SCHIP1: variants seen among roughly 807,000 people sequenced by gnomAD.
The protein encoded by SCHIP1 is schwannomin interacting protein 1.
Under a neutral mutation model 29.7 loss-of-function variants are expected in SCHIP1, and 8 were observed. The observed-to-expected ratio is 0.27, with a 90% CI of 0.16 to 0.49. SCHIP1 has a LOEUF of 0.49. Among genes scored for constraint, SCHIP1 ranks in the 20% least tolerant of loss-of-function variants. The pLI, the probability that SCHIP1 is intolerant of heterozygous loss-of-function variation, is 0.99. For synonymous variants in SCHIP1, 76 were observed against 94.9 expected (o/e 0.80, Z 1.16); for missense variants, 193 against 294.6 (o/e 0.66, Z 2.52).
intron 4 of SCHIP1, 77 bp from the exon 6 acceptor site, chr3:159,888,743 A>G: frequency 6.4e-7 from 1 of 1,559,834 alleles, no homozygotes; most frequent in Non-Finnish European, 8.7e-7. Context: ...GGGTCTTTTA[A>G]GAGAAAACTG....
the SCHIP1 span, among the ~76,000 whole-genome samples, chr3:159,596,077 A>T: frequency 6.6e-6 from 1 of 152,244 alleles, no homozygotes; most frequent in African/African-American, 2.4e-5. Context: ...AATATCCAGA[A>T]TCTACAAAGA....
At chr3:159,366,570 A>G in the SCHIP1 span, among the ~76,000 whole-genome samples, 4 of 152,350 alleles carry the variant, frequency 2.6e-5, no homozygotes, top group Non-Finnish European at 4.4e-5. Flanking sequence ...ATGGTGGCAT[A>G]GAGTAAGCAT....
At chr3:159,408,869 A>G in the SCHIP1 span, among the ~76,000 whole-genome samples, 2 of 152,156 alleles carry the variant, frequency 1.3e-5, no homozygotes, top group Non-Finnish European at 2.9e-5. Flanking sequence ...CCTGATAAAC[A>G]TTGATGGAAA....
chr3:159,720,082 C>T, the SCHIP1 span, among the ~76,000 whole-genome samples: 1 of 152,142 alleles, frequency 6.6e-6, no homozygotes, highest in Non-Finnish European at 1.5e-5. Flanking sequence ...TTTGTAGGGA[C>T]ATTGACGAAG....
chr3:159,519,654 TC>T, the SCHIP1 span, among the ~76,000 whole-genome samples: 1 of 152,134 alleles, frequency 6.6e-6, no homozygotes, highest in Non-Finnish European at 1.5e-5. Context: ...CATTAATGGC[TC>T]CCCTTTTCTT....
At chr3:159,283,212 G>C in the SCHIP1 span, among the ~76,000 whole-genome samples, 5 of 152,130 alleles carry the variant, frequency 3.3e-5, no homozygotes, top group Admixed American at 6.5e-5. Context: ...GAATGCAGTG[G>C]TATGATCTCA....
chr3:159,792,829 G>T, the SCHIP1 span, among the ~76,000 whole-genome samples: 1 of 152,182 alleles, frequency 6.6e-6, no homozygotes, highest in Non-Finnish European at 1.5e-5. Flanking sequence ...TTGGGGTTGG[G>T]TGTAGAGATG....
At chr3:159,277,809 A>G in the SCHIP1 span, among the ~76,000 whole-genome samples, 1 of 151,980 alleles carries the variant, frequency 6.6e-6, no homozygotes, top group Admixed American at 6.6e-5. Context: ...AATCCCAGCT[A>G]CAGACTGAAG....
At chr3:159,568,621 T>C in the SCHIP1 span, among the ~76,000 whole-genome samples, 1 of 152,134 alleles carries the variant, frequency 6.6e-6, no homozygotes, top group Admixed American at 6.6e-5. Flanking sequence ...CTTAATACTT[T>C]GCAACAATTT....
chr3:159,756,646 G>A, the SCHIP1 span, among the ~76,000 whole-genome samples: 1 of 152,164 alleles, frequency 6.6e-6, no homozygotes, highest in African/African-American at 2.4e-5. Flanking sequence ...CTCAGAAAAT[G>A]GGTTTTTCCT....
At chr3:159,895,204 C>T (rs965086014) in intron 6 of SCHIP1, among the ~76,000 whole-genome samples, 1 of 152,136 alleles carries the variant, frequency 6.6e-6, no homozygotes, top group Non-Finnish European at 1.5e-5. Context: ...GGAGAGCTAT[C>T]GATAAGGTAC....
the SCHIP1 span, among the ~76,000 whole-genome samples, chr3:159,744,212 A>G: frequency 6.6e-6 from 1 of 152,198 alleles, no homozygotes; most frequent in Non-Finnish European, 1.5e-5. Flanking sequence ...CTACACCTAC[A>G]TGTTTTTATA....
chr3:159,732,572 A>C, the SCHIP1 span, among the ~76,000 whole-genome samples: 1 of 152,220 alleles, frequency 6.6e-6, no homozygotes, highest in East Asian at 1.9e-4. Context: ...GTTACAAGGG[A>C]AATGTGCAGT....
chr3:159,581,174 T>C, the SCHIP1 span, among the ~76,000 whole-genome samples: 3 of 152,166 alleles, frequency 2.0e-5, no homozygotes, highest in Non-Finnish European at 4.4e-5. Flanking sequence ...TTCCTCTCTA[T>C]AAGTGCAACT....
the SCHIP1 span, among the ~76,000 whole-genome samples, chr3:159,392,790 T>C: frequency 6.6e-6 from 1 of 152,146 alleles, no homozygotes; most frequent in Non-Finnish European, 1.5e-5. Flanking sequence ...CATGTGTCTT[T>C]ATAGCAGCAT....
chr3:159,629,967 C>G, the SCHIP1 span, among the ~76,000 whole-genome samples: 1 of 152,140 alleles, frequency 6.6e-6, no homozygotes, highest in Non-Finnish European at 1.5e-5. Flanking sequence ...CTTATCAACT[C>G]TGTTCTAAAA....
the SCHIP1 span, among the ~76,000 whole-genome samples, chr3:159,314,003 C>A: frequency 1.3e-5 from 2 of 152,204 alleles, no homozygotes; most frequent in African/African-American, 2.4e-5. Flanking sequence ...TGATATTACC[C>A]TGACTTATCA....
At chr3:159,640,763 A>G in the SCHIP1 span, among the ~76,000 whole-genome samples, 2 of 152,072 alleles carry the variant, frequency 1.3e-5, no homozygotes, top group Non-Finnish European at 2.9e-5. Flanking sequence ...ATTACCATTG[A>G]CTGGCCAGGA....
the SCHIP1 span, among the ~76,000 whole-genome samples, chr3:159,753,633 T>G: frequency 6.6e-5 from 10 of 152,344 alleles, no homozygotes; most frequent in East Asian, 1.3e-3. Context: ...CTAATTAGTC[T>G]CTGCACCCAG....
Sources: allele counts gnomAD v4.1 joint callset (sites outside exome capture counted in the v4.1 genomes callset), GRCh38; gene constraint gnomAD v4.1.1; transcripts MANE v1.5; gene names NCBI Gene and HGNC (gene_info 2026-07-23, HGNC 2026-07-21).